ZNF423: variants seen among roughly 807,000 people sequenced by gnomAD.
ZNF423 encodes zinc finger protein 423, also known as Ebf-associated zinc finger protein.
In ZNF423, 12 loss-of-function variants were observed where a neutral mutation model predicts 95.8. The observed-to-expected ratio is 0.13, with a 90% CI of 0.08 to 0.20. The LOEUF is 0.20. Among genes scored for constraint, ZNF423 ranks in the 10% least tolerant of loss-of-function variants. The probability of loss-of-function intolerance (pLI) is 1.00; values close to 1 mark genes in which losing one functional copy is unlikely to be tolerated. For synonymous variants in ZNF423, 749 were observed against 711.9 expected (o/e 1.05, Z -0.83); for missense variants, 1,316 against 1,737.1 (o/e 0.76, Z 4.31).
intron 3 of ZNF423, among the ~76,000 whole-genome samples, chr16:49,667,831 A>C (rs1213510014): frequency 1.3e-5 from 2 of 152,224 alleles, no homozygotes; most frequent in South Asian, 4.1e-4. Flanking sequence ...GGCTGCAGTG[A>C]GCTATGACTG....
intron 2 of ZNF423, among the ~76,000 whole-genome samples, chr16:49,746,074 C>CA (rs1177501769): frequency 3.0e-4 from 46 of 152,234 alleles, no homozygotes; most frequent in Non-Finnish European, 5.9e-5. Context: ...GACCTCAGGC[C>CA]AGTCACTTCC....
chr16:49,677,719 C>A (rs1258819708), intron 3 of ZNF423, among the ~76,000 whole-genome samples: 2 of 149,454 alleles, frequency 1.3e-5, no homozygotes, highest in African/African-American at 2.5e-5. Flanking sequence ...ACACCACTGC[C>A]CTCCGGCCTG....
chr16:49,801,027 T>C (rs1249971003), intron 1 of ZNF423, among the ~76,000 whole-genome samples: 5 of 152,248 alleles, frequency 3.3e-5, no homozygotes, highest in Non-Finnish European at 7.3e-5. Context: ...AATCAGGAAC[T>C]GAGAAGAACT....
chr16:49,804,531 C>T (rs1020072647), intron 1 of ZNF423, among the ~76,000 whole-genome samples: 8 of 152,164 alleles, frequency 5.3e-5, no homozygotes, highest in Non-Finnish European at 1.0e-4. Flanking sequence ...AGGCCCAGGG[C>T]TTCCAGCTTC....
intron 2 of ZNF423, among the ~76,000 whole-genome samples, chr16:49,781,597 G>A (rs2034213063): frequency 6.6e-6 from 1 of 152,208 alleles, no homozygotes; most frequent in South Asian, 2.1e-4. Context: ...AACACAAGCA[G>A]GGCAGGAGGC....
chr16:49,583,424 C>T (rs1197005945), intron 5 of ZNF423, among the ~76,000 whole-genome samples: 8 of 152,272 alleles, frequency 5.3e-5, no homozygotes, highest in Admixed American at 2.6e-4. Context: ...AGCATCATTC[C>T]CATTCTATAA....
At chr16:49,842,835 C>G (rs573330578) in intron 1 of ZNF423, among the ~76,000 whole-genome samples, 8 of 151,818 alleles carry the variant, frequency 5.3e-5, no homozygotes, top group Admixed American at 5.2e-4. Context: ...AAAAATTAGC[C>G]GGGCGTACTG....
chr16:49,776,948 G>A lies in ZNF423; in HGVS notation c.100+12539C>T, dbSNP rs903769885. Reference sequence around the variant, plus strand: ...CTTTTTCTGCTCATTTGCATGCCTGGGTGTGGATGAGTGAATGCTGCATAT... The same window carrying A: ...CTTTTTCTGCTCATTTGCATGCCTGAGTGTGGATGAGTGAATGCTGCATAT... On this transcript the variant is annotated intron_variant, in intron 2 of 7. Coordinates refer to ENST00000563137, the MANE Select transcript of ZNF423 (RefSeq NM_001379286.1). Among the ~76,000 whole-genome samples, 7 of 152,336 alleles carry A rather than the reference G, an allele frequency of 4.6e-5. No homozygotes were observed. The East Asian group carries it at 1.2e-3, about 25-fold the overall frequency.
chr16:49,627,435 A>C (rs1208625843), intron 4 of ZNF423, among the ~76,000 whole-genome samples: 1 of 145,114 alleles, frequency 6.9e-6, no homozygotes, highest in African/African-American at 2.6e-5. Flanking sequence ...CCATCTACCC[A>C]TCCATCCATC....
intron 1 of ZNF423, among the ~76,000 whole-genome samples, chr16:49,841,594 C>G (rs576086265): frequency 6.6e-6 from 1 of 152,228 alleles, no homozygotes; most frequent in Non-Finnish European, 1.5e-5. Flanking sequence ...ATGCTACCCG[C>G]TCTTCCAGGC....
intron 3 of ZNF423, among the ~76,000 whole-genome samples, chr16:49,668,491 G>A (rs1486518888): frequency 1.3e-5 from 2 of 152,188 alleles, no homozygotes; most frequent in Middle Eastern, 3.2e-3. Context: ...CCTGGACACA[G>A]GCTCCATCCA....
At chr16:49,811,330 G>A (rs1041582167) in intron 1 of ZNF423, among the ~76,000 whole-genome samples, 2 of 152,108 alleles carry the variant, frequency 1.3e-5, no homozygotes, top group Non-Finnish European at 2.9e-5. Flanking sequence ...AGAGGAGTTA[G>A]AGTTGGCCTT....
rs1008719271 is a variant in ZNF423, at chr16:49,584,405, G to A, written c.3601+41765C>T. ...AAAACTGTGTTTTTCAAGCTTTAAG[G>A]GGGCTGCTGAACTTTGGTTTTCTGG... On this transcript the variant is annotated intron_variant, in intron 5 of 7. Transcript: ENST00000563137. Among the ~76,000 whole-genome samples the A allele has an allele frequency of 5.3e-4, 81 of 152,250 alleles. 1 individual carries two copies. The highest frequency in any genetic ancestry group is 1.8e-3 in the African/African-American group (76 of 41,536).
At chr16:49,835,215 G>A (rs1041689713) in intron 1 of ZNF423, among the ~76,000 whole-genome samples, 1 of 152,132 alleles carries the variant, frequency 6.6e-6, no homozygotes, top group Non-Finnish European at 1.5e-5. Context: ...TCTGTGAGGA[G>A]CACTTTCAAT....
rs148605244 is a variant in ZNF423 at position 49,754,363 on chromosome 16, T to G, written c.101-23392A>C. 3.2e-3 allele frequency among the ~76,000 whole-genome samples: 491 copies of G among 152,282 alleles called. 3 individuals carry two copies. Among genetic ancestry groups the G allele is most frequent in the African/African-American group, 0.012 (478 of 41,544 alleles). On this transcript the variant is annotated intron_variant, in intron 2 of 7. Transcript: ENST00000563137. ...AGCACAGTGCCTGGTCCAGAAGAGA[T>G]TCTCAATAATGTTTGTTTAATTAAG... is the stretch of plus-strand genomic sequence containing the variant.
At chr16:49,531,713 G>A (rs1301727976) in intron 5 of ZNF423, among the ~76,000 whole-genome samples, 2 of 152,204 alleles carry the variant, frequency 1.3e-5, no homozygotes, top group Non-Finnish European at 2.9e-5. Flanking sequence ...GTCAACCAGG[G>A]TCATAGGAGA....
At chr16:49,729,463 C>T (rs2033106748) in intron 3 of ZNF423, among the ~76,000 whole-genome samples, 1 of 151,940 alleles carries the variant, frequency 6.6e-6, no homozygotes, top group Non-Finnish European at 1.5e-5. Flanking sequence ...CTAGTATTTC[C>T]CTTGGGGAAG....
chr16:49,823,823 G>A (rs947921545), intron 1 of ZNF423, among the ~76,000 whole-genome samples: 9 of 152,040 alleles, frequency 5.9e-5, no homozygotes, highest in Non-Finnish European at 1.2e-4. Context: ...TAAAGGGGCC[G>A]GGCACAGTGA....
chr16:49,611,942 G>T, intron 5 of ZNF423, among the ~76,000 whole-genome samples: 1 of 151,942 alleles, frequency 6.6e-6, no homozygotes. Context: ...CACATAATAA[G>T]AAATAGATAT....
Sources: allele counts gnomAD v4.1 joint callset (sites outside exome capture counted in the v4.1 genomes callset), GRCh38; gene constraint gnomAD v4.1.1; transcripts MANE v1.5; gene names NCBI Gene and HGNC (gene_info 2026-07-23, HGNC 2026-07-21).